Variants in RAB40C observed in about 807,000 individuals in gnomAD.
The protein encoded by RAB40C is ras-related protein Rab-40C.
A neutral mutation model predicts 28.1 loss-of-function variants in RAB40C; 8 were observed. The observed-to-expected ratio is 0.28, with a 90% CI of 0.17 to 0.51. The LOEUF is 0.51. Ranked by LOEUF, RAB40C falls within the 20% of genes least tolerant of loss-of-function variation. RAB40C has a pLI of 0.97. For missense variants in RAB40C, 288 were observed against 405.9 expected (o/e 0.71, Z 2.50); for synonymous variants, 201 against 171.7 (o/e 1.17, Z -1.34).
chr16:624,269 T>A, intron 3 of RAB40C: 1 of 985,394 alleles, frequency 1.0e-6, no homozygotes, highest in Non-Finnish European at 1.2e-6. Flanking sequence ...CCCCAGTCTC[T>A]CCACCTCCCC....
At chr16:592,357 G>A (rs2036018784) in intron 1 of RAB40C, among the ~76,000 whole-genome samples, 2 of 152,210 alleles carry the variant, frequency 1.3e-5, no homozygotes, top group African/African-American at 4.8e-5. Flanking sequence ...CTTCCTCCTG[G>A]CATGGCTTCA....
chr16:593,709 C>T (rs2036050120), intron 1 of RAB40C, among the ~76,000 whole-genome samples: 1 of 152,152 alleles, frequency 6.6e-6, no homozygotes, highest in Admixed American at 6.5e-5. Context: ...GACCACACGC[C>T]CAGCACCTGT....
chr16:621,012 G>A (rs925313680), intron 3 of RAB40C, among the ~76,000 whole-genome samples: 7 of 152,352 alleles, frequency 4.6e-5, no homozygotes, highest in African/African-American at 1.2e-4. Context: ...TATCATCTCC[G>A]TGTTCTTTCC....
chr16:590,211 G>A lies in RAB40C; in HGVS notation c.-81G>A, dbSNP rs918609493. 5.0e-4 allele frequency: 549 copies of A among 1,100,942 alleles called. 1 individual carries two copies. Among genetic ancestry groups the A allele is most frequent in the Non-Finnish European group, 5.9e-4 (525 of 887,782 alleles). 68.2% of individuals were successfully genotyped at this position (1,100,942 alleles called of 1,614,324 possible). ...GGGCGGACGCAACGGGCGCAGGTGC[G>A]GGGCGCGGGCTCTCTCACGCCGCGG... On this transcript the variant is annotated 5_prime_UTR_variant, in exon 1 of 6. Coordinates refer to ENST00000248139, the MANE Select transcript of RAB40C (RefSeq NM_021168.5).
chr16:620,402 G>A (rs1237315040), intron 3 of RAB40C, among the ~76,000 whole-genome samples: 1 of 152,214 alleles, frequency 6.6e-6, no homozygotes, highest in African/African-American at 2.4e-5. Flanking sequence ...AAAAAAAAAG[G>A]AGGAGCTGTG....
At chr16:604,420 T>A (rs2036318232) in intron 1 of RAB40C, among the ~76,000 whole-genome samples, 2 of 148,984 alleles carry the variant, frequency 1.3e-5, no homozygotes, top group Admixed American at 6.7e-5. Context: ...AATACACGAG[T>A]CCTTCTGAAG....
intron 1 of RAB40C, among the ~76,000 whole-genome samples, chr16:603,769 C>T (rs1005398612): frequency 1.4e-5 from 2 of 139,596 alleles, no homozygotes; most frequent in Admixed American, 7.8e-5. Context: ...CAGGCCCTGC[C>T]GAGTCAGCCC....
chr16:614,226 G>A (rs949462269), intron 1 of RAB40C, among the ~76,000 whole-genome samples: 4 of 149,162 alleles, frequency 2.7e-5, no homozygotes, highest in Non-Finnish European at 4.4e-5. Context: ...GCCGCATCCC[G>A]ATGGTGAACT....
intron 1 of RAB40C, among the ~76,000 whole-genome samples, chr16:594,965 G>A (rs1269869100): frequency 1.3e-5 from 2 of 151,908 alleles, no homozygotes; most frequent in Admixed American, 6.6e-5. Flanking sequence ...GATTACAGAC[G>A]CCTGCCACCA....
intron 1 of RAB40C, among the ~76,000 whole-genome samples, chr16:607,464 C>G (rs1228508841): frequency 6.7e-6 from 1 of 148,646 alleles, no homozygotes; most frequent in Admixed American, 6.7e-5. Flanking sequence ...TATTGCGCCA[C>G]CACACTCCGG....
rs544755279 is a variant in RAB40C at position 590,535 on chromosome 16, G to T, written c.142+102G>T. 36 of 1,341,250 alleles carry T rather than the reference G, an allele frequency of 2.7e-5. No homozygotes were observed. The East Asian group carries it at 7.6e-4, about 28-fold the overall frequency. The allele number at this position is 1,341,250 out of a possible 1,614,324, so 83.1% of individuals were successfully genotyped here. ...CCGGCCCTTCCAAGCGCCGCCGAAC[G>T]TTCCCAGGAACGCCTTTGCCTGGCT... On this transcript the variant is annotated intron_variant, in intron 1 of 5. Transcript: ENST00000248139.
intron 5 of RAB40C, 141 bp downstream of exon 5, chr16:626,262 G>GCA (rs1263997853): frequency 2.5e-6 from 2 of 787,648 alleles, no homozygotes; most frequent in African/African-American, 3.4e-5. Flanking sequence ...TCGGCCGGCG[G>GCA]CAGGTCAGTG....
rs1394605636 is a variant in RAB40C, at chr16:590,163, G to T, written c.-129G>T. The T allele has an allele frequency of 1.8e-6, 1 of 559,552 alleles. No homozygotes were observed. The highest frequency in any genetic ancestry group is 2.3e-6 in the Non-Finnish European group (1 of 442,028). The allele number at this position is 559,552 out of a possible 1,614,324, so 34.7% of individuals were successfully genotyped here. A position where few individuals can be genotyped will look rare whatever the true frequency, so the allele number is the denominator to read the frequency against. On this transcript the variant is annotated 5_prime_UTR_variant, in exon 1 of 6. Transcript: ENST00000248139. ...GGGGCGGGGCCGGCGCTGGGCTTCG[G>T]GCGCGCCCACTCGGCCGCCGTGGGG...
intron 1 of RAB40C, among the ~76,000 whole-genome samples, chr16:601,815 TAAAAAAAAAAAAAAA>T (rs60094426): frequency 3.7e-5 from 1 of 27,198 alleles, no homozygotes; most frequent in Non-Finnish European, 7.1e-5. Flanking sequence ...CAAAAAAAAG[TAAAAAAAAAAAAAAA>T]AAAAAAAAAA....
In RAB40C at chr16:599,105, A is replaced by C. The variant is rs1412901992; in HGVS notation, c.142+8672A>C. Among the ~76,000 whole-genome samples the C allele has an allele frequency of 2.6e-5, 4 of 152,248 alleles. No homozygotes were observed. In the East Asian group the frequency reaches 7.7e-4, roughly 29 times the overall value. ...CATCAGGATTCAGGACTCTGAACACAAACACAGTGACACTGATCAGGGTTG... is the reference window on the plus strand; with the variant it reads ...CATCAGGATTCAGGACTCTGAACACCAACACAGTGACACTGATCAGGGTTG... On this transcript the variant is annotated intron_variant, in intron 1 of 5. Coordinates refer to ENST00000248139, the MANE Select transcript of RAB40C (RefSeq NM_021168.5).
In RAB40C at chr16:627,199, G is replaced by A. The variant is rs530111326; in HGVS notation, c.566-143G>A. ...CTGTGCTGGGCAGAGAAGTTTGGGC[G>A]TCCAGGTCCTCCAGGAGCCCAGCCT... is the stretch of plus-strand genomic sequence containing the variant. On this transcript the variant is annotated intron_variant, in intron 5 of 5. Transcript: ENST00000248139. 1.3e-4 allele frequency: 98 copies of A among 783,164 alleles called. 2 individuals carry two copies. The highest frequency in any genetic ancestry group is 1.0e-3 in the South Asian group (57 of 54,620). 48.5% of individuals were successfully genotyped at this position (783,164 alleles called of 1,614,324 possible). A position where few individuals can be genotyped will look rare whatever the true frequency, so the allele number is the denominator to read the frequency against.
chr16:619,409 C>T (rs1210055369), intron 3 of RAB40C, among the ~76,000 whole-genome samples: 2 of 152,148 alleles, frequency 1.3e-5, no homozygotes, highest in South Asian at 2.1e-4. Flanking sequence ...ATGGTGGGTG[C>T]GCTTGGCCAC....
Position 628,869 on chromosome 16 carries a change from G to C in RAB40C, c.*1247G>C, listed in dbSNP as rs2036898840. On this transcript the variant is annotated 3_prime_UTR_variant, in exon 6 of 6. Coordinates refer to ENST00000248139, the MANE Select transcript of RAB40C (RefSeq NM_021168.5). ...GCAGAAGGAGCCCTCCCGGGACCCA[G>C]GACCCCCCGTGGTGGACTCCGCGGC... 1 of 152,852 alleles carries C rather than the reference G, an allele frequency of 6.5e-6. No homozygotes were observed. The highest frequency in any genetic ancestry group is 2.1e-4 in the South Asian group (1 of 4,846). 9.5% of individuals were successfully genotyped at this position (152,852 alleles called of 1,614,324 possible).
rs2036456206 is a variant in RAB40C, at chr16:610,229, G to C, written c.143-6979G>C. On this transcript the variant is annotated intron_variant, in intron 1 of 5. Coordinates refer to ENST00000248139, the MANE Select transcript of RAB40C (RefSeq NM_021168.5). This position sits in a 1 kb window ranked among gnomAD's most constrained non-coding sequence, Gnocchi z 4.6. ...TGACCTCCCTGCCTCTGTCCCCTGA[G>C]GTCAGAGCGCCTGTCCTGTGGAGCG... is the stretch of plus-strand genomic sequence containing the variant. Among the ~76,000 whole-genome samples the C allele has an allele frequency of 6.6e-6, 1 of 152,166 alleles. No homozygotes were observed. Among genetic ancestry groups the C allele is most frequent in the Admixed American group, 6.5e-5 (1 of 15,278 alleles).
Sources: allele counts gnomAD v4.1 joint callset (sites outside exome capture counted in the v4.1 genomes callset), GRCh38; gene constraint gnomAD v4.1.1; non-coding constraint Gnocchi (gnomAD v3.1); transcripts MANE v1.5; gene names NCBI Gene and HGNC (gene_info 2026-07-23, HGNC 2026-07-21).